Variants in FRMD3 observed in about 807,000 individuals in gnomAD.
FRMD3 encodes the protein FERM domain-containing protein 3.
Under a neutral mutation model 70.2 loss-of-function variants are expected in FRMD3, and 33 were observed. That is an observed-to-expected ratio of 0.47 (90% CI 0.36 to 0.63). The LOEUF (loss-of-function observed/expected upper bound fraction) is 0.63. Ranked by LOEUF, FRMD3 falls within the 20% of genes least tolerant of loss-of-function variation. The pLI, the probability that FRMD3 is intolerant of heterozygous loss-of-function variation, is 0.00. For synonymous variants in FRMD3, 279 were observed against 255.9 expected, an observed-to-expected ratio of 1.09 and a Z score of -0.86; for missense variants, 632 against 711.4, an observed-to-expected ratio of 0.89 and a Z score of 1.27.
chr9:83,366,616 C>T lies in FRMD3; in HGVS notation c.295+6297G>A, dbSNP rs541052760. ...AATAAACTAGCAGATCCTGAGTTACCCTGAAGTGACAAGATTAAATGCTTT... is the reference window on the plus strand; with the variant it reads ...AATAAACTAGCAGATCCTGAGTTACTCTGAAGTGACAAGATTAAATGCTTT... On this transcript the variant is annotated intron_variant, in intron 3 of 13. Transcript: ENST00000304195. 4.6e-5 allele frequency among the ~76,000 whole-genome samples: 7 copies of T among 151,988 alleles called. No individual in the cohort carries two copies. The East Asian group carries it at 1.2e-3, about 25-fold the overall frequency.
At chr9:83,470,514 TG>T (rs1033191024) in intron 1 of FRMD3, among the ~76,000 whole-genome samples, 2 of 152,178 alleles carry the variant, frequency 1.3e-5, no homozygotes, top group African/African-American at 4.8e-5. Context: ...AACGTTTATT[TG>T]TTAATTTGTT....
chr9:83,293,928 A>G (rs1771299264), intron 12 of FRMD3, among the ~76,000 whole-genome samples: 1 of 152,242 alleles, frequency 6.6e-6, no homozygotes, highest in South Asian at 2.1e-4. Context: ...TCCCTGAAGC[A>G]CAAAGAATCC....
chr9:83,354,961 T>C (rs1396433016), intron 3 of FRMD3, among the ~76,000 whole-genome samples: 2 of 152,192 alleles, frequency 1.3e-5, no homozygotes, highest in Non-Finnish European at 2.9e-5. Context: ...GGGGTCATCT[T>C]TAACCCCAAG....
intron 8 of FRMD3, 26 bp from the exon 9 acceptor site, chr9:83,310,574 G>C (rs1468166148): frequency 6.4e-7 from 1 of 1,569,490 alleles, no homozygotes; most frequent in Non-Finnish European, 8.6e-7. Flanking sequence ...CTCTGGGTAA[G>C]AAGAAAAAAA....
intron 3 of FRMD3, among the ~76,000 whole-genome samples, chr9:83,364,483 G>A (rs1330318646): frequency 6.6e-6 from 1 of 151,792 alleles, no homozygotes; most frequent in Non-Finnish European, 1.5e-5. Flanking sequence ...TTGAACCCTG[G>A]AGGCGGAGGT....
At chr9:83,342,735 G>GA (rs59278997) in intron 5 of FRMD3, among the ~76,000 whole-genome samples, 278 of 98,918 alleles carry the variant, frequency 2.8e-3, no homozygotes, top group Non-Finnish European at 4.2e-3. Flanking sequence ...TAGATAGATA[G>GA]TTAGATAGAC....
At chr9:83,258,597 C>T (rs569957516) in intron 13 of FRMD3, among the ~76,000 whole-genome samples, 10 of 152,332 alleles carry the variant, frequency 6.6e-5, no homozygotes, top group African/African-American at 2.2e-4. Context: ...AGAGAAAGCA[C>T]TTTGGGGACA....
At chr9:83,437,977 G>A (rs1827185475) in intron 1 of FRMD3, among the ~76,000 whole-genome samples, 1 of 152,090 alleles carries the variant, frequency 6.6e-6, no homozygotes, top group South Asian at 2.1e-4. Flanking sequence ...GGCACGTGCG[G>A]GAAACACACT....
At chr9:83,369,485 G>A (rs566991121) in intron 3 of FRMD3, among the ~76,000 whole-genome samples, 39 of 152,112 alleles carry the variant, frequency 2.6e-4, no homozygotes, top group South Asian at 1.5e-3. Flanking sequence ...GCTGAGGCAG[G>A]AGAAGAGATT....
At position 83,488,491 on chromosome 9, in the gene FRMD3, C is replaced by T. The variant is rs368131611; in HGVS notation, c.147+49594G>A. On this transcript the variant is annotated intron_variant, in intron 1 of 13. Transcript: ENST00000304195. ...AACTACTTAAAACTATGGATTAGGA[C>T]AGGTGGGATTACAAAAGATGAAGTC... Among the ~76,000 whole-genome samples, 3 of 152,214 alleles carry T rather than the reference C, an allele frequency of 2.0e-5. No homozygotes were observed. The East Asian group carries it at 5.8e-4, about 29-fold the overall frequency.
chr9:83,335,117 A>G (rs757095287), intron 6 of FRMD3, among the ~76,000 whole-genome samples: 10 of 152,238 alleles, frequency 6.6e-5, no homozygotes, highest in Non-Finnish European at 7.3e-5. Flanking sequence ...AATCTTCCCA[A>G]TGGATTCTAT....
chr9:83,563,518 G>A, the FRMD3 span, among the ~76,000 whole-genome samples: 1 of 152,158 alleles, frequency 6.6e-6, no homozygotes, highest in African/African-American at 2.4e-5. Flanking sequence ...TGGGTGCTCA[G>A]ATCCAGCCCA....
intron 1 of FRMD3, among the ~76,000 whole-genome samples, chr9:83,506,378 G>A (rs1272092261): frequency 1.3e-5 from 2 of 152,154 alleles, no homozygotes; most frequent in Non-Finnish European, 2.9e-5. Flanking sequence ...AAACCCAGCT[G>A]TACAGACTAC....
intron 13 of FRMD3, among the ~76,000 whole-genome samples, chr9:83,256,901 G>A (rs528869230): frequency 4.0e-4 from 61 of 152,284 alleles, no homozygotes; most frequent in African/African-American, 1.4e-3. Context: ...AGAGAAAAAG[G>A]AGCACTTTTA....
chr9:83,303,085 G>T (rs1255623813), intron 10 of FRMD3, among the ~76,000 whole-genome samples: 1 of 151,940 alleles, frequency 6.6e-6, no homozygotes, highest in Non-Finnish European at 1.5e-5. Context: ...GATAGGTACT[G>T]GGGGGACATT....
chr9:83,517,219 C>A (rs888104357), intron 1 of FRMD3, among the ~76,000 whole-genome samples: 1 of 151,766 alleles, frequency 6.6e-6, no homozygotes, highest in Non-Finnish European at 1.5e-5. Context: ...ATAGATAGAC[C>A]ACTAGCCAGG....
intron 5 of FRMD3, among the ~76,000 whole-genome samples, chr9:83,340,376 A>C (rs999881563): frequency 3.3e-5 from 5 of 152,218 alleles, no homozygotes; most frequent in African/African-American, 1.2e-4. Flanking sequence ...TAAGCCCAAA[A>C]ACAACTCAAG....
At chr9:83,380,648 G>T (rs1825325427) in intron 2 of FRMD3, among the ~76,000 whole-genome samples, 1 of 152,056 alleles carries the variant, frequency 6.6e-6, no homozygotes, top group Non-Finnish European at 1.5e-5. Context: ...TTTGGCCACT[G>T]CTAAGACAAA....
rs56212805 is a variant in FRMD3, at chr9:83,509,782, C to T, written c.147+28303G>A. ...ACAGTTTAATTAAAATACGCACACG[C>T]GCGCGCACACACACACACACACACA... On this transcript the variant is annotated intron_variant, in intron 1 of 13. Coordinates refer to ENST00000304195, the MANE Select transcript of FRMD3 (RefSeq NM_174938.6). Among the ~76,000 whole-genome samples the T allele has an allele frequency of 7.5e-3, 1,128 of 150,158 alleles. 9 individuals carry two copies. Among genetic ancestry groups the T allele is most frequent in the Non-Finnish European group, 0.012 (801 of 67,582 alleles).
Sources: allele counts gnomAD v4.1 joint callset (sites outside exome capture counted in the v4.1 genomes callset), GRCh38; gene constraint gnomAD v4.1.1; transcripts MANE v1.5; gene names NCBI Gene and HGNC (gene_info 2026-07-23, HGNC 2026-07-21).